The following ADAMTS16 variants were observed in gnomAD, a reference collection of about 807,000 sequenced individuals.
ADAMTS16 encodes the protein A disintegrin and metalloproteinase with thrombospondin motifs 16.
A neutral mutation model predicts 145.8 loss-of-function variants in ADAMTS16; 94 were observed. The observed-to-expected ratio is 0.64, with a 90% CI of 0.55 to 0.77. The LOEUF (loss-of-function observed/expected upper bound fraction) is 0.77, where lower values mean the gene tolerates loss of function less well. Ranked by LOEUF, ADAMTS16 falls within the 30% of genes least tolerant of loss-of-function variation. The pLI, the probability that ADAMTS16 is intolerant of heterozygous loss-of-function variation, is 0.00. For synonymous variants in ADAMTS16, 659 were observed against 604.3 expected (o/e 1.09, Z -1.33); for missense variants, 1,585 against 1,591.5 (o/e 1.00, Z 0.07).
intron 18 of ADAMTS16, among the ~76,000 whole-genome samples, chr5:5,302,413 G>A (rs532675006): frequency 2.0e-5 from 3 of 152,156 alleles, no homozygotes; most frequent in African/African-American, 4.8e-5. Flanking sequence ...ATAATCATAC[G>A]AGAAAGGAGA....
intron 18 of ADAMTS16, among the ~76,000 whole-genome samples, chr5:5,274,609 A>G (rs1440541244): frequency 2.0e-5 from 3 of 152,016 alleles, no homozygotes; most frequent in Non-Finnish European, 4.4e-5. Flanking sequence ...GCTTAAGGAC[A>G]TCTTGGTTGC....
chr5:5,311,170 G>A (rs1164079629), intron 21 of ADAMTS16, among the ~76,000 whole-genome samples: 1 of 151,764 alleles, frequency 6.6e-6, no homozygotes, highest in Non-Finnish European at 1.5e-5. Context: ...CTGAACCGAA[G>A]TAGCCCCAAC....
intron 11 of ADAMTS16, among the ~76,000 whole-genome samples, chr5:5,224,854 G>T (rs16875086): frequency 0.19 from 29,334 of 152,102 alleles, 3,301 homozygotes; most frequent in East Asian, 0.5. Flanking sequence ...CCTGCTTTCT[G>T]TGTGGTCAGG....
intron 5 of ADAMTS16, among the ~76,000 whole-genome samples, chr5:5,187,222 C>T (rs532397136): frequency 3.3e-5 from 5 of 152,338 alleles, no homozygotes; most frequent in African/African-American, 1.2e-4. Context: ...TGTTCCTGCT[C>T]CCCACCCCAA....
At chr5:5,291,487 C>T (rs1739314655) in intron 18 of ADAMTS16, among the ~76,000 whole-genome samples, 1 of 152,182 alleles carries the variant, frequency 6.6e-6, no homozygotes, top group Non-Finnish European at 1.5e-5. Flanking sequence ...CTAGTCCTCC[C>T]AGCCTGCCCA....
At chr5:5,295,787 C>G (rs183568245) in intron 18 of ADAMTS16, among the ~76,000 whole-genome samples, 3 of 152,306 alleles carry the variant, frequency 2.0e-5, no homozygotes, top group African/African-American at 7.2e-5. Context: ...GTGCTCTGCC[C>G]TCCAGAGAGT....
intron 18 of ADAMTS16, among the ~76,000 whole-genome samples, chr5:5,285,261 G>A (rs1202152814): frequency 2.0e-5 from 3 of 152,210 alleles, no homozygotes; most frequent in Admixed American, 6.5e-5. Flanking sequence ...CAACAGAAGC[G>A]TTATTTCTCT....
intron 10 of ADAMTS16, among the ~76,000 whole-genome samples, chr5:5,209,720 G>A (rs1054887551): frequency 2.0e-5 from 3 of 151,986 alleles, no homozygotes; most frequent in Non-Finnish European, 4.4e-5. Context: ...TACCTACTCC[G>A]TCAACCCCAG....
chr5:5,203,860 A>T (rs1736019084), intron 9 of ADAMTS16, among the ~76,000 whole-genome samples: 1 of 152,152 alleles, frequency 6.6e-6, no homozygotes, highest in African/African-American at 2.4e-5. Flanking sequence ...CATCGCAGGG[A>T]ACTTGGAGTG....
chr5:5,250,553 G>A (rs58512426), intron 17 of ADAMTS16, among the ~76,000 whole-genome samples: 7,917 of 152,296 alleles, frequency 0.052, 684 homozygotes, highest in African/African-American at 0.18. Context: ...TGATCCCTGA[G>A]AGCTCAGGTA....
chr5:5,169,386 C>T (rs550540800), intron 3 of ADAMTS16, among the ~76,000 whole-genome samples: 1 of 152,316 alleles, frequency 6.6e-6, no homozygotes, highest in East Asian at 1.9e-4. Flanking sequence ...GGAGGACCCC[C>T]ACATTCATTC....
intron 18 of ADAMTS16, among the ~76,000 whole-genome samples, chr5:5,296,351 GT>G (rs1282059357): frequency 1.3e-5 from 2 of 152,336 alleles, no homozygotes; most frequent in East Asian, 1.9e-4. Flanking sequence ...TAAAGCATCT[GT>G]TTTCCTCCGG....
intron 12 of ADAMTS16, among the ~76,000 whole-genome samples, chr5:5,232,894 C>T (rs72647756): frequency 3.2e-3 from 493 of 152,192 alleles, no homozygotes; most frequent in Non-Finnish European, 4.8e-3. Flanking sequence ...TGAGCCATCG[C>T]GCCCGGCCTC....
chr5:5,263,795 C>A (rs1171694251), intron 18 of ADAMTS16, among the ~76,000 whole-genome samples: 18 of 152,212 alleles, frequency 1.2e-4, no homozygotes, highest in Non-Finnish European at 8.8e-5. Flanking sequence ...GCCCCTGACC[C>A]TGTAGTGGGG....
At chr5:5,140,827 C>T (rs1161143329) in intron 2 of ADAMTS16, 61 bp downstream of exon 2, 2 of 1,450,300 alleles carry the variant, frequency 1.4e-6, no homozygotes, top group African/African-American at 1.5e-5. Context: ...ATCTCCGTGC[C>T]GCTGGTTTAT....
intron 8 of ADAMTS16, among the ~76,000 whole-genome samples, chr5:5,193,632 C>A (rs1735725080): frequency 1.3e-5 from 2 of 152,348 alleles, no homozygotes; most frequent in South Asian, 4.1e-4. Context: ...AGGCATCCGA[C>A]ACAAGGCCCT....
chr5:5,267,808 G>A (rs1323793158), intron 18 of ADAMTS16, among the ~76,000 whole-genome samples: 1 of 152,180 alleles, frequency 6.6e-6, no homozygotes, highest in African/African-American at 2.4e-5. Flanking sequence ...GCACAGGCCC[G>A]AGAGTGGAGC....
At chr5:5,151,213 C>CATTTA (rs1177929652) in intron 3 of ADAMTS16, among the ~76,000 whole-genome samples, 1 of 143,624 alleles carries the variant, frequency 7.0e-6, no homozygotes. Context: ...TATTTCTTTT[C>CATTTA]TCTTATTTAT....
At chr5:5,240,375 C>T (rs1010101517) in intron 16 of ADAMTS16, among the ~76,000 whole-genome samples, 1 of 152,336 alleles carries the variant, frequency 6.6e-6, no homozygotes, top group African/African-American at 2.4e-5. Flanking sequence ...TGGCGGGCCA[C>T]AGCTCCGCAG....
Sources: allele counts gnomAD v4.1 joint callset (sites outside exome capture counted in the v4.1 genomes callset), GRCh38; gene constraint gnomAD v4.1.1; transcripts MANE v1.5; gene names NCBI Gene and HGNC (gene_info 2026-07-23, HGNC 2026-07-21).